The following PAMR1 variants were observed in gnomAD, a reference collection of about 807,000 sequenced individuals.
The protein encoded by PAMR1 is inactive serine protease PAMR1.
Under a neutral mutation model 81.8 loss-of-function variants are expected in PAMR1, and 88 were observed. The ratio of observed to expected loss-of-function variants is 1.08; its 90% CI spans 0.91 to 1.28. The LOEUF (loss-of-function observed/expected upper bound fraction) is 1.28, where lower values mean the gene tolerates loss of function less well. Among genes scored for constraint, PAMR1 ranks in the 50% most tolerant of loss-of-function variants. PAMR1 has a pLI of 0.00. For missense variants in PAMR1, 935 were observed against 919.7 expected, an observed-to-expected ratio of 1.02 and a Z score of -0.21; for synonymous variants, 336 against 345.3, an observed-to-expected ratio of 0.97 and a Z score of 0.30.
At chr11:35,523,751 G>A (rs1434137497) in intron 1 of PAMR1, among the ~76,000 whole-genome samples, 2 of 152,178 alleles carry the variant, frequency 1.3e-5, no homozygotes, top group African/African-American at 4.8e-5. Context: ...CGAAATGTGA[G>A]TAAAACATTC....
At chr11:35,485,772 C>T (rs1409593604) in intron 3 of PAMR1, among the ~76,000 whole-genome samples, 1 of 145,546 alleles carries the variant, frequency 6.9e-6, no homozygotes, top group East Asian at 2.0e-4. Flanking sequence ...ACTCCTCCCT[C>T]CTTCTAAGGC....
At chr11:35,485,696 G>C (rs955402495) in intron 3 of PAMR1, among the ~76,000 whole-genome samples, 4 of 152,206 alleles carry the variant, frequency 2.6e-5, no homozygotes, top group African/African-American at 7.2e-5. Context: ...TACTGCATCT[G>C]TTCAGTGCCA....
At chr11:35,447,098 T>C (rs986520957) in intron 6 of PAMR1, among the ~76,000 whole-genome samples, 1 of 152,204 alleles carries the variant, frequency 6.6e-6, no homozygotes, top group African/African-American at 2.4e-5. Context: ...CCCTTCTTTA[T>C]CTTTTTTGAT....
intron 6 of PAMR1, among the ~76,000 whole-genome samples, chr11:35,442,524 C>T (rs1856192510): frequency 1.3e-5 from 2 of 152,178 alleles, no homozygotes; most frequent in South Asian, 4.1e-4. Flanking sequence ...AGAATTCAAA[C>T]TTCTACTACT....
At chr11:35,521,242 T>A (rs1590403451) in intron 1 of PAMR1, among the ~76,000 whole-genome samples, 1 of 152,192 alleles carries the variant, frequency 6.6e-6, no homozygotes, top group South Asian at 2.1e-4. Context: ...GATTAAAATA[T>A]GTTAGACACT....
At chr11:35,513,823 G>A (rs1851115061) in intron 1 of PAMR1, among the ~76,000 whole-genome samples, 1 of 152,122 alleles carries the variant, frequency 6.6e-6, no homozygotes. Context: ...AGAATCTCTG[G>A]AGGTGGGAGC....
intron 1 of PAMR1, among the ~76,000 whole-genome samples, chr11:35,506,432 GTGT>G (rs137991567): frequency 0.35 from 36,991 of 106,696 alleles, 4,891 homozygotes; most frequent in African/African-American, 0.44. Flanking sequence ...TTGTTTTTTG[GTGT>G]TTTTTTTTTT....
At chr11:35,506,535 T>C (rs754103714) in intron 1 of PAMR1, among the ~76,000 whole-genome samples, 7 of 151,992 alleles carry the variant, frequency 4.6e-5, no homozygotes, top group Non-Finnish European at 7.4e-5. Flanking sequence ...AAAGACTTTA[T>C]CTCTTTTTCC....
chr11:35,525,823 C>T (rs1221318785), upstream of PAMR1: 3 of 569,212 alleles, frequency 5.3e-6, no homozygotes, highest in Non-Finnish European at 9.4e-6. Flanking sequence ...GGAGGTGTGG[C>T]CACGCCTGGA....
intron 1 of PAMR1, among the ~76,000 whole-genome samples, chr11:35,499,956 G>A (rs1850800105): frequency 6.6e-6 from 1 of 152,208 alleles, no homozygotes. Flanking sequence ...AGTCAGAAAG[G>A]AGGTGTGCCG....
chr11:35,496,193 C>T (rs747457619), intron 1 of PAMR1, among the ~76,000 whole-genome samples: 1 of 152,182 alleles, frequency 6.6e-6, no homozygotes, highest in East Asian at 1.9e-4. Context: ...AAATCTCCAT[C>T]CATGATCTTG....
At chr11:35,471,227 T>C (rs1485485719) in intron 4 of PAMR1, among the ~76,000 whole-genome samples, 1 of 152,172 alleles carries the variant, frequency 6.6e-6, no homozygotes, top group Admixed American at 6.5e-5. Flanking sequence ...ATTTTTCTCA[T>C]ACTGTAGACA....
At chr11:35,459,597 G>A (rs11033131) in intron 6 of PAMR1, among the ~76,000 whole-genome samples, 2,213 of 152,286 alleles carry the variant, frequency 0.015, 28 homozygotes, top group Non-Finnish European at 0.022. Flanking sequence ...TAGCCTTGGG[G>A]ATGAAGAGAA....
intron 3 of PAMR1, among the ~76,000 whole-genome samples, chr11:35,477,916 C>A (rs187699114): frequency 2.0e-5 from 3 of 152,138 alleles, no homozygotes; most frequent in Non-Finnish European, 4.4e-5. Flanking sequence ...CTCCTCATCG[C>A]CCCCATCTAC....
intron 6 of PAMR1, among the ~76,000 whole-genome samples, chr11:35,442,297 T>C (rs1251385703): frequency 6.6e-6 from 1 of 152,238 alleles, no homozygotes; most frequent in African/African-American, 2.4e-5. Context: ...AATATAACTT[T>C]CCATCTAAGT....
intron 6 of PAMR1, among the ~76,000 whole-genome samples, chr11:35,458,755 A>G (rs2135364378): frequency 1.3e-5 from 2 of 152,334 alleles, no homozygotes; most frequent in East Asian, 3.9e-4. Context: ...CTGTTTAGAA[A>G]AGGCATTAAC....
intron 1 of PAMR1, among the ~76,000 whole-genome samples, chr11:35,495,897 A>C (rs1451053168): frequency 1.3e-5 from 2 of 152,352 alleles, no homozygotes; most frequent in East Asian, 3.9e-4. Flanking sequence ...GAATAAATTT[A>C]GTTTCATGAA....
intron 1 of PAMR1, among the ~76,000 whole-genome samples, chr11:35,506,984 A>G (rs1590388572): frequency 6.7e-6 from 1 of 149,508 alleles, no homozygotes; most frequent in South Asian, 2.1e-4. Flanking sequence ...TATATTGTAC[A>G]AATCATCTTT....
intron 8 of PAMR1, among the ~76,000 whole-genome samples, chr11:35,437,731 T>C (rs1015758902): frequency 1.3e-5 from 2 of 152,240 alleles, no homozygotes; most frequent in African/African-American, 4.8e-5. Flanking sequence ...AATATTGCTT[T>C]AAAAATAGGA....
Sources: allele counts gnomAD v4.1 joint callset (sites outside exome capture counted in the v4.1 genomes callset), GRCh38; gene constraint gnomAD v4.1.1; transcripts MANE v1.5; gene names NCBI Gene and HGNC (gene_info 2026-07-23, HGNC 2026-07-21).